GFRA2: variants seen among roughly 807,000 people sequenced by gnomAD.
GFRA2 encodes the protein GDNF family receptor alpha 2.
GFRA2 carries 17 observed loss-of-function variants against 48.3 expected under a neutral mutation model. The observed-to-expected ratio is 0.35, with a 90% CI of 0.24 to 0.53. The LOEUF (loss-of-function observed/expected upper bound fraction) is 0.53, where lower values mean the gene tolerates loss of function less well. Among genes scored for constraint, GFRA2 ranks in the 20% least tolerant of loss-of-function variants. GFRA2 has a pLI of 0.93. For missense variants in GFRA2, 660 were observed against 637.3 expected (o/e 1.04, Z -0.38); for synonymous variants, 305 against 257.2 (o/e 1.19, Z -1.78).
intron 3 of GFRA2, among the ~76,000 whole-genome samples, chr8:21,755,914 G>T (rs1461524810): frequency 6.6e-6 from 1 of 152,238 alleles, no homozygotes; most frequent in Non-Finnish European, 1.5e-5. Context: ...AGGATCCCAG[G>T]ATGCCTGTCA....
intron 1 of GFRA2, among the ~76,000 whole-genome samples, chr8:21,807,675 T>G (rs936520573): frequency 2.0e-5 from 3 of 152,150 alleles, no homozygotes; most frequent in Non-Finnish European, 4.4e-5. Flanking sequence ...CCCTTGTGTC[T>G]CCTCATGTGT....
chr8:21,781,773 A>C (rs1011607028), intron 2 of GFRA2, among the ~76,000 whole-genome samples: 110 of 152,296 alleles, frequency 7.2e-4, no homozygotes, highest in Non-Finnish European at 1.5e-3. Flanking sequence ...TCAATTAATA[A>C]ATGAACATCT....
intron 1 of GFRA2, 146 bp from the exon 2 acceptor site, chr8:21,783,045 C>T (rs889715885): frequency 6.5e-6 from 5 of 771,888 alleles, no homozygotes; most frequent in Non-Finnish European, 6.7e-6. Flanking sequence ...GACAGCCCTC[C>T]TCATACCCCA....
intron 4 of GFRA2, among the ~76,000 whole-genome samples, chr8:21,739,752 GC>G (rs1161496991): frequency 1.2e-4 from 18 of 152,140 alleles, no homozygotes; most frequent in African/African-American, 4.1e-4. Flanking sequence ...GACTTCCACT[GC>G]AGGAGCCAGG....
intron 4 of GFRA2, among the ~76,000 whole-genome samples, chr8:21,742,496 G>C (rs981097586): frequency 2.6e-5 from 4 of 152,164 alleles, no homozygotes; most frequent in African/African-American, 9.7e-5. Context: ...GTAAATGTTT[G>C]CTGTTGAAGC....
chr8:21,722,563 G>C (rs186628024), intron 4 of GFRA2, among the ~76,000 whole-genome samples: 1 of 152,300 alleles, frequency 6.6e-6, no homozygotes, highest in Admixed American at 6.5e-5. Flanking sequence ...ACAGCATCCA[G>C]GGAGGAGAGA....
chr8:21,701,778 G>A (rs1802492343), intron 7 of GFRA2, among the ~76,000 whole-genome samples: 1 of 152,182 alleles, frequency 6.6e-6, no homozygotes, highest in Non-Finnish European at 1.5e-5. Flanking sequence ...GGGGCTACAA[G>A]AAACCAAGCA....
intron 2 of GFRA2, among the ~76,000 whole-genome samples, chr8:21,803,456 T>C (rs1352706061): frequency 6.6e-6 from 1 of 152,084 alleles, no homozygotes; most frequent in Non-Finnish European, 1.5e-5. Context: ...CAGAGAGTCC[T>C]TTAGGGAACT....
At chr8:21,697,532 C>T (rs973526092) in intron 7 of GFRA2, among the ~76,000 whole-genome samples, 5 of 151,794 alleles carry the variant, frequency 3.3e-5, no homozygotes, top group East Asian at 1.9e-4. Context: ...CACCTAGTGG[C>T]GGGAGGGGCA....
Position 21,705,998 on chromosome 8 carries a change from G to C in GFRA2, c.838C>G (p.Gln280Glu), listed in dbSNP as rs1802723582. Residue 280 changes from glutamine (Q) to glutamate (E), a missense_variant, in exon 5 of 9, where the codon CAG (glutamine) becomes GAG (glutamate). Physicochemically the swap from Gln to Glu is conservative, Grantham distance 29 (BLOSUM62 2). Transcript: ENST00000524240. ...DFHANCRASY[Q>E]TVTSCPADNY... ...TCCGCAGGGCAGCTGGTGACCGTCTGGTAGGAGGCTCGACAATTGGCATGG... is the reference window on the plus strand; with the variant it reads ...TCCGCAGGGCAGCTGGTGACCGTCTCGTAGGAGGCTCGACAATTGGCATGG... The C allele has an allele frequency of 6.3e-7, 1 of 1,580,744 alleles. No individual in the cohort carries two copies. Among genetic ancestry groups the C allele is most frequent in the Non-Finnish European group, 8.6e-7 (1 of 1,163,072 alleles).
At chr8:21,774,885 A>C (rs1806619835) in intron 3 of GFRA2, 87 bp downstream of exon 3, 1 of 745,442 alleles carries the variant, frequency 1.3e-6, no homozygotes, top group Non-Finnish European at 2.4e-6. Flanking sequence ...ATCGGACGCC[A>C]GGATGCCTGT....
intron 4 of GFRA2, among the ~76,000 whole-genome samples, chr8:21,718,718 G>A (rs933701502): frequency 6.6e-6 from 1 of 152,142 alleles, no homozygotes; most frequent in African/African-American, 2.4e-5. Context: ...ATCACTGAGT[G>A]GTAATCGAAC....
At chr8:21,702,168 G>A (rs533073777) in intron 7 of GFRA2, among the ~76,000 whole-genome samples, 2 of 152,286 alleles carry the variant, frequency 1.3e-5, no homozygotes, top group African/African-American at 2.4e-5. Context: ...ATTAGGAGCT[G>A]CCCAAGGGTG....
At chr8:21,807,443 G>T (rs745473323) in intron 1 of GFRA2, among the ~76,000 whole-genome samples, 1 of 152,130 alleles carries the variant, frequency 6.6e-6, no homozygotes, top group Non-Finnish European at 1.5e-5. Flanking sequence ...TAAATTACCC[G>T]GTCTGCGGTA....
chr8:21,717,274 C>T (rs561300389), intron 4 of GFRA2, among the ~76,000 whole-genome samples: 1 of 152,232 alleles, frequency 6.6e-6, no homozygotes, highest in South Asian at 2.1e-4. Context: ...TTGAAAGGAA[C>T]GGATCAGACA....
intron 4 of GFRA2, among the ~76,000 whole-genome samples, chr8:21,741,422 C>T (rs193000772): frequency 3.9e-5 from 6 of 152,320 alleles, no homozygotes; most frequent in African/African-American, 1.4e-4. Context: ...GATTCCCCCT[C>T]TCTGCCCCTG....
At chr8:21,754,508 T>TA (rs200641510) in intron 3 of GFRA2, among the ~76,000 whole-genome samples, 18 of 142,602 alleles carry the variant, frequency 1.3e-4, no homozygotes, top group African/African-American at 4.5e-4. Context: ...TTTTTTTCTT[T>TA]TTTTTTTTTT....
At chr8:21,736,145 C>T (rs1305947007) in intron 4 of GFRA2, among the ~76,000 whole-genome samples, 1 of 152,214 alleles carries the variant, frequency 6.6e-6, no homozygotes, top group East Asian at 1.9e-4. Flanking sequence ...ATGGCTGTTC[C>T]CTACCATCTG....
At position 21,741,578 on chromosome 8, in the gene GFRA2, A is replaced by T. The variant is rs533225229; in HGVS notation, c.794+9010T>A. On this transcript the variant is annotated intron_variant, in intron 4 of 8. Transcript: ENST00000524240. ...ACACTGTATTCTCCAGGGGGTAGCC[A>T]GTGTCTAGCATGGTGCCTGGCACAG... Among the ~76,000 whole-genome samples, 181 of 152,258 alleles carry T rather than the reference A, an allele frequency of 1.2e-3. 3 individuals carry two copies. The highest frequency in any genetic ancestry group is 1.7e-3 in the Non-Finnish European group (119 of 68,020).
Sources: allele counts gnomAD v4.1 joint callset (sites outside exome capture counted in the v4.1 genomes callset), GRCh38; gene constraint gnomAD v4.1.1; transcripts MANE v1.5; gene names NCBI Gene and HGNC (gene_info 2026-07-23, HGNC 2026-07-21).